The following PACS1 variants were observed in gnomAD, a reference collection of about 807,000 sequenced individuals.
PACS1 encodes the protein phosphofurin acidic cluster sorting protein 1.
In PACS1, 24 loss-of-function variants were observed where a neutral mutation model predicts 115.0. The observed-to-expected ratio is 0.21, with a 90% confidence interval of 0.15 to 0.29. The LOEUF (loss-of-function observed/expected upper bound fraction) is 0.29, where lower values mean the gene tolerates loss of function less well. Among genes scored for constraint, PACS1 ranks in the 10% least tolerant of loss-of-function variants. PACS1 has a pLI of 1.00. For missense variants in PACS1, 838 were observed against 1,251.2 expected, an observed-to-expected ratio of 0.67 and a Z score of 4.98; for synonymous variants, 453 against 504.5, an observed-to-expected ratio of 0.90 and a Z score of 1.37.
chr11:66,190,895 C>T (rs1227254337), intron 1 of PACS1, among the ~76,000 whole-genome samples: 7 of 152,108 alleles, frequency 4.6e-5, no homozygotes, highest in Admixed American at 3.9e-4. Flanking sequence ...GAGTTGAGGG[C>T]ACCCAGGTCA....
At chr11:66,154,007 C>T (rs573995976) in intron 1 of PACS1, among the ~76,000 whole-genome samples, 4 of 151,916 alleles carry the variant, frequency 2.6e-5, no homozygotes, top group South Asian at 4.2e-4. Context: ...GCTGAAGTGG[C>T]GATATTAACA....
At chr11:66,217,474 C>T in intron 7 of PACS1, 1 of 443,886 alleles carries the variant, frequency 2.3e-6, no homozygotes, top group Non-Finnish European at 4.6e-6. Context: ...TTCACAGCTC[C>T]ATTTACCCAG....
At chr11:66,199,694 A>G (rs139916534) in intron 2 of PACS1, among the ~76,000 whole-genome samples, 18 of 152,294 alleles carry the variant, frequency 1.2e-4, no homozygotes, top group African/African-American at 3.1e-4. Flanking sequence ...AAATTCTGCA[A>G]TCAAAAGACG....
chr11:66,108,351 T>G (rs1436243902), intron 1 of PACS1, among the ~76,000 whole-genome samples: 1 of 152,132 alleles, frequency 6.6e-6, no homozygotes. Context: ...GGCCCCACCC[T>G]TCTGACCTCA....
At chr11:66,119,099 C>T (rs980546195) in intron 1 of PACS1, among the ~76,000 whole-genome samples, 1 of 152,152 alleles carries the variant, frequency 6.6e-6, no homozygotes, top group African/African-American at 2.4e-5. Context: ...AAGGGAGAGG[C>T]CCCCTACTCC....
chr11:66,187,935 G>A (rs1320754500), intron 1 of PACS1, among the ~76,000 whole-genome samples: 1 of 152,164 alleles, frequency 6.6e-6, no homozygotes, highest in African/African-American at 2.4e-5. Context: ...TTACAACAGT[G>A]TAGAAGAGTT....
chr11:66,151,265 T>A (rs764923204), intron 1 of PACS1, among the ~76,000 whole-genome samples: 5 of 148,532 alleles, frequency 3.4e-5, no homozygotes, highest in Non-Finnish European at 7.4e-5. Context: ...ATCTGTGAGG[T>A]TCATGCTTTT....
chr11:66,110,105 CAGATATGTTTATGAGAGT>C (rs1858152566), intron 1 of PACS1, among the ~76,000 whole-genome samples: 1 of 152,024 alleles, frequency 6.6e-6, no homozygotes, highest in African/African-American at 2.4e-5. Flanking sequence ...TGCCTGTGCT[CAGATATGTTTATGAGAGT>C]ATAATTGACT....
intron 1 of PACS1, among the ~76,000 whole-genome samples, chr11:66,125,226 C>T (rs983572015): frequency 2.0e-5 from 3 of 152,148 alleles, no homozygotes; most frequent in African/African-American, 7.2e-5. Context: ...GGATAAAATA[C>T]TGCAAATTGG....
chr11:66,109,160 G>A (rs1390911735), intron 1 of PACS1, among the ~76,000 whole-genome samples: 2 of 152,196 alleles, frequency 1.3e-5, no homozygotes, highest in African/African-American at 2.4e-5. Flanking sequence ...TATGCCAGCT[G>A]CAGGGGATAT....
intron 1 of PACS1, among the ~76,000 whole-genome samples, chr11:66,111,170 T>C (rs1057142827): frequency 2.6e-5 from 4 of 152,202 alleles, no homozygotes; most frequent in Admixed American, 6.5e-5. Flanking sequence ...GATTCAACTT[T>C]AGGCAATTGT....
rs1187528904 is a variant in PACS1, at chr11:66,216,291, C to T, written c.805+28C>T. On this transcript the variant is annotated intron_variant, in intron 5 of 23. Coordinates refer to ENST00000320580, the MANE Select transcript of PACS1 (RefSeq NM_018026.4). ...AAGAAGCATGCAGCATCTGGAGACC[C>T]TACGAAGAGGGAGCCCATCCTGGGA... The T allele has an allele frequency of 3.7e-6, 6 of 1,612,504 alleles. No homozygotes were observed. In the South Asian group the frequency reaches 6.6e-5, roughly 18 times the overall value.
At chr11:66,158,057 C>G (rs1859400892) in intron 1 of PACS1, among the ~76,000 whole-genome samples, 1 of 152,134 alleles carries the variant, frequency 6.6e-6, no homozygotes, top group South Asian at 2.1e-4. Flanking sequence ...GCCTCCTTCC[C>G]CTGGACTCAA....
chr11:66,121,052 G>A (rs933703101), intron 1 of PACS1: 2 of 456,050 alleles, frequency 4.4e-6, no homozygotes, highest in African/African-American at 4.0e-5. Flanking sequence ...GAAGATTTGT[G>A]GCAACCCTAC....
chr11:66,222,349 C>T (rs1340012669), intron 10 of PACS1, among the ~76,000 whole-genome samples: 1 of 152,206 alleles, frequency 6.6e-6, no homozygotes, highest in African/African-American at 2.4e-5. Context: ...AAGAGGTTTC[C>T]ATTTTTTCTG....
chr11:66,196,988 T>A (rs190227927), intron 2 of PACS1, among the ~76,000 whole-genome samples: 4 of 152,352 alleles, frequency 2.6e-5, no homozygotes, highest in African/African-American at 9.6e-5. Flanking sequence ...TAAAGACTTT[T>A]CTGAAGAAGT....
At chr11:66,219,954 G>A (rs1855303271) in intron 8 of PACS1, 149 bp downstream of exon 8, 1 of 698,184 alleles carries the variant, frequency 1.4e-6, no homozygotes, top group Non-Finnish European at 2.6e-6. Flanking sequence ...AGAGCCCTAA[G>A]GGAGAGGGTG....
At chr11:66,091,011 C>T (rs1313248438) in intron 1 of PACS1, among the ~76,000 whole-genome samples, 2 of 152,152 alleles carry the variant, frequency 1.3e-5, no homozygotes, top group African/African-American at 4.8e-5. Context: ...TTCTCCACCC[C>T]AGTAAATCTT....
In PACS1 at chr11:66,210,986, C is replaced by G. The variant is rs1225322402; in HGVS notation, c.535-148C>G. 9.1e-6 allele frequency: 8 copies of G among 876,610 alleles called. No homozygotes were observed. In the Admixed American group the frequency reaches 1.6e-4, roughly 18 times the overall value. 54.3% of individuals were successfully genotyped at this position (876,610 alleles called of 1,614,324 possible). A position where few individuals can be genotyped will look rare whatever the true frequency, so the allele number is the denominator to read the frequency against. ...CATCAAGCCGAATCAGCTCCACCAG[C>G]AGCAACTTCATGGCTCTCCTTTCAA... is the stretch of plus-strand genomic sequence containing the variant. On this transcript the variant is annotated intron_variant, in intron 3 of 23. Transcript: ENST00000320580.
Sources: gnomAD v4.1 joint callset for allele counts (sites outside exome capture counted in the v4.1 genomes callset) on GRCh38, gnomAD v4.1.1 for gene constraint, MANE v1.5 for transcripts, NCBI Gene and HGNC (gene_info 2026-07-23, HGNC 2026-07-21) for gene names.